The following CADPS variants were observed in gnomAD, a reference collection of about 807,000 sequenced individuals.
The protein encoded by CADPS is calcium-dependent secretion activator 1.
A neutral mutation model predicts 167.3 loss-of-function variants in CADPS; 57 were observed. The observed-to-expected ratio is 0.34, with a 90% CI of 0.28 to 0.42. The LOEUF (loss-of-function observed/expected upper bound fraction) is 0.42. CADPS is among the 20% of genes least tolerant of loss of function. The probability of loss-of-function intolerance (pLI) is 1.00; values close to 1 mark genes in which losing one functional copy is unlikely to be tolerated. For synonymous variants in CADPS, 676 were observed against 635.3 expected (o/e 1.06, Z -0.96); for missense variants, 1,414 against 1,738.1 (o/e 0.81, Z 3.32).
chr3:62,486,376 C>T (rs1263922295), intron 21 of CADPS, among the ~76,000 whole-genome samples: 8 of 137,596 alleles, frequency 5.8e-5, no homozygotes, highest in South Asian at 2.3e-4. Context: ...ACCCAGGAGG[C>T]GGAGCTTGCA....
intron 1 of CADPS, among the ~76,000 whole-genome samples, chr3:62,845,928 A>T (rs2077351798): frequency 6.6e-6 from 1 of 151,956 alleles, no homozygotes; most frequent in Non-Finnish European, 1.5e-5. Flanking sequence ...TGTAATCCCT[A>T]ATGTTGAAGG....
chr3:62,621,482 A>G (rs1210672971), intron 6 of CADPS, among the ~76,000 whole-genome samples: 2 of 152,160 alleles, frequency 1.3e-5, no homozygotes, highest in Non-Finnish European at 2.9e-5. Context: ...TAAGAAATAT[A>G]TATTATTTTG....
intron 3 of CADPS, among the ~76,000 whole-genome samples, chr3:62,701,534 G>A (rs531399170): frequency 2.6e-5 from 4 of 151,248 alleles, no homozygotes; most frequent in South Asian, 2.1e-4. Flanking sequence ...GTTTGAACAC[G>A]GGAGGCAGAG....
At chr3:62,535,397 T>C (rs1480674311) in intron 12 of CADPS, among the ~76,000 whole-genome samples, 3 of 151,756 alleles carry the variant, frequency 2.0e-5, no homozygotes, top group African/African-American at 7.2e-5. Flanking sequence ...TTTAAGACTA[T>C]TTTATCTACA....
At chr3:62,451,661 A>C (rs573184722) in intron 26 of CADPS, among the ~76,000 whole-genome samples, 3 of 151,840 alleles carry the variant, frequency 2.0e-5, no homozygotes, top group Admixed American at 2.0e-4. Context: ...CCATGAGCTG[A>C]CTCCACCCCC....
At position 62,518,315 on chromosome 3, in the gene CADPS, T is replaced by C. The variant is rs1053683618; in HGVS notation, c.2292-65A>G. On this transcript the variant is annotated intron_variant, in intron 13 of 29. Transcript: ENST00000383710. ...TGCTGACACCATCAAATCAAATCTC[T>C]AGCAGGAGGAAACTGTCCATTTTAG... 1.8e-5 allele frequency: 22 copies of C among 1,195,540 alleles called. No homozygotes were observed. The African/African-American group carries it at 3.2e-4, about 17-fold the overall frequency. The allele number at this position is 1,195,540 out of a possible 1,614,324, so 74.1% of individuals were successfully genotyped here. A position where few individuals can be genotyped will look rare whatever the true frequency, so the allele number is the denominator to read the frequency against.
intron 3 of CADPS, among the ~76,000 whole-genome samples, chr3:62,749,669 C>A (rs1189487152): frequency 6.6e-6 from 1 of 152,180 alleles, no homozygotes. Flanking sequence ...ATTTCAGACA[C>A]CTGATGGTAA....
chr3:62,824,370 C>T (rs1301463385), intron 1 of CADPS, among the ~76,000 whole-genome samples: 1 of 152,050 alleles, frequency 6.6e-6, no homozygotes, highest in Non-Finnish European at 1.5e-5. Flanking sequence ...CACCTTGAAT[C>T]TGGAAGTCAT....
intron 3 of CADPS, among the ~76,000 whole-genome samples, chr3:62,692,084 A>G (rs1580530112): frequency 6.6e-6 from 1 of 152,048 alleles, no homozygotes; most frequent in Admixed American, 6.6e-5. Context: ...CACTGTCTTT[A>G]CAAAAACTCT....
intron 4 of CADPS, among the ~76,000 whole-genome samples, chr3:62,658,393 G>T (rs2072272979): frequency 6.6e-6 from 1 of 152,068 alleles, no homozygotes; most frequent in Non-Finnish European, 1.5e-5. Context: ...TGGATCCTTG[G>T]ATTGGTATGA....
intron 1 of CADPS, among the ~76,000 whole-genome samples, chr3:62,767,963 C>T (rs1486661129): frequency 1.3e-5 from 2 of 152,140 alleles, no homozygotes; most frequent in Non-Finnish European, 2.9e-5. Context: ...TACAACATAT[C>T]TCAATTCAGA....
At chr3:62,492,623 C>T (rs908237141) in intron 19 of CADPS, among the ~76,000 whole-genome samples, 177 bp from the exon 20 acceptor site, 9 of 152,152 alleles carry the variant, frequency 5.9e-5, no homozygotes, top group African/African-American at 2.2e-4. Context: ...GTGTTTAAGG[C>T]AGTGCTTTGC....
At chr3:62,770,076 C>T (rs1165777101) in intron 1 of CADPS, among the ~76,000 whole-genome samples, 2 of 152,192 alleles carry the variant, frequency 1.3e-5, no homozygotes, top group African/African-American at 4.8e-5. Context: ...ACTCTGGTCT[C>T]CAGCACACTG....
At chr3:62,699,327 G>C (rs182688934) in intron 3 of CADPS, among the ~76,000 whole-genome samples, 6 of 151,978 alleles carry the variant, frequency 3.9e-5, no homozygotes, top group African/African-American at 1.5e-4. Flanking sequence ...GTGAGCCACT[G>C]TGCCTGGTGT....
At chr3:62,690,392 C>T (rs2078887271) in intron 3 of CADPS, among the ~76,000 whole-genome samples, 1 of 152,038 alleles carries the variant, frequency 6.6e-6, no homozygotes, top group Non-Finnish European at 1.5e-5. Context: ...TTTCTTATAT[C>T]AAGTTCACTT....
chr3:62,612,335 C>T (rs981766139), intron 6 of CADPS, among the ~76,000 whole-genome samples: 1 of 152,208 alleles, frequency 6.6e-6, no homozygotes. Context: ...ATACAAAGCA[C>T]TGAATAACTA....
intron 6 of CADPS, among the ~76,000 whole-genome samples, chr3:62,594,173 A>ATTTT (rs200077753): frequency 6.8e-6 from 1 of 146,286 alleles, no homozygotes; most frequent in Non-Finnish European, 1.5e-5. Flanking sequence ...TTATTTATTT[A>ATTTT]TTTTTTGAGA....
chr3:62,542,900 A>C (rs2075924246), intron 11 of CADPS, among the ~76,000 whole-genome samples: 1 of 152,218 alleles, frequency 6.6e-6, no homozygotes, highest in Non-Finnish European at 1.5e-5. Context: ...TGCTGTAGTT[A>C]TATTAACTTA....
At position 62,474,389 on chromosome 3, in the gene CADPS, GA is replaced by G. The variant is rs2061004351; in HGVS notation, c.3330-70del. 3 of 1,463,790 alleles carry G rather than the reference GA, an allele frequency of 2.0e-6. No individual in the cohort carries two copies. In the African/African-American group the frequency reaches 4.2e-5, roughly 21 times the overall value. The allele number at this position is 1,463,790 out of a possible 1,614,324, so 90.7% of individuals were successfully genotyped here. A position where few individuals can be genotyped will look rare whatever the true frequency, so the allele number is the denominator to read the frequency against. On this transcript the variant is annotated intron_variant, in intron 23 of 29. Transcript: ENST00000383710. ...GCAGCAGGTGGAGGAGATATTTTCT[GA>G]GAGGTCAGTGAAAAAGAAAATTGAA...
Sources: allele counts gnomAD v4.1 joint callset (sites outside exome capture counted in the v4.1 genomes callset), GRCh38; gene constraint gnomAD v4.1.1; transcripts MANE v1.5; gene names NCBI Gene and HGNC (gene_info 2026-07-23, HGNC 2026-07-21).